The following NRG3 variants were observed in gnomAD, a reference collection of about 807,000 sequenced individuals.
NRG3 encodes pro-neuregulin-3, membrane-bound isoform.
Under a neutral mutation model 66.9 loss-of-function variants are expected in NRG3, and 31 were observed. The ratio of observed to expected loss-of-function variants is 0.46; its 90% CI spans 0.35 to 0.63. NRG3 has a LOEUF of 0.63. Ranked by LOEUF, NRG3 falls within the 20% of genes least tolerant of loss-of-function variation. The pLI is 0.00. For synonymous variants in NRG3, 393 were observed against 359.4 expected, an observed-to-expected ratio of 1.09 and a Z score of -1.06; for missense variants, 910 against 878.9, an observed-to-expected ratio of 1.04 and a Z score of -0.45.
At chr10:81,986,422 T>G (rs1441719100) in intron 1 of NRG3, among the ~76,000 whole-genome samples, 2 of 152,150 alleles carry the variant, frequency 1.3e-5, no homozygotes, top group African/African-American at 2.4e-5. Flanking sequence ...GGAGCAACAC[T>G]GTCAATTTCA....
chr10:82,721,291 C>T (rs962724829), intron 2 of NRG3, among the ~76,000 whole-genome samples: 1 of 150,896 alleles, frequency 6.6e-6, no homozygotes, highest in Non-Finnish European at 1.5e-5. Flanking sequence ...TCCACCATGC[C>T]CGGCTAATTT....
At chr10:82,687,683 G>T (rs1227102410) in intron 2 of NRG3, among the ~76,000 whole-genome samples, 3 of 152,058 alleles carry the variant, frequency 2.0e-5, no homozygotes, top group Non-Finnish European at 4.4e-5. Flanking sequence ...GATGTGTTCG[G>T]TGTAGAGAGG....
At chr10:82,469,687 G>A (rs1165270095) in intron 2 of NRG3, among the ~76,000 whole-genome samples, 1 of 152,170 alleles carries the variant, frequency 6.6e-6, no homozygotes, top group Admixed American at 6.5e-5. Flanking sequence ...CTGGGTACCT[G>A]GCCTTGCCGA....
At chr10:81,903,565 A>G (rs183814869) in intron 1 of NRG3, among the ~76,000 whole-genome samples, 1 of 152,308 alleles carries the variant, frequency 6.6e-6, no homozygotes, top group Non-Finnish European at 1.5e-5. Flanking sequence ...AATAGTGCTT[A>G]ATATTGGTTG....
chr10:82,021,822 G>C (rs1415367558), intron 1 of NRG3, among the ~76,000 whole-genome samples: 2 of 110,382 alleles, frequency 1.8e-5, no homozygotes, highest in Non-Finnish European at 4.1e-5. Context: ...GTGTGTGTGT[G>C]TGTGTGTGTG....
intron 1 of NRG3, among the ~76,000 whole-genome samples, chr10:82,185,465 A>G (rs769161296): frequency 2.0e-5 from 3 of 152,152 alleles, no homozygotes; most frequent in Non-Finnish European, 4.4e-5. Context: ...TGTCTATTTA[A>G]TCTCCCCAGA....
Position 81,875,788 on chromosome 10 carries a change from A to C in NRG3, c.448A>C (p.Thr150Pro), listed in dbSNP as rs202166305. 1.9e-4 allele frequency: 311 copies of C among 1,610,474 alleles called. 1 individual carries two copies. Among genetic ancestry groups the C allele is most frequent in the Non-Finnish European group, 2.1e-5 (25 of 1,179,824 alleles). ...CGCCGGGGGTGCCGCCTCCTCCAGG[A>C]CGCCCAACCGGATTAGCACTCGCCT... is the stretch of plus-strand genomic sequence containing the variant. ...PSAGGAASSR[T>P]PNRISTRLTT... Residue 150 changes from threonine (T) to proline (P), a missense_variant, in exon 1 of 9, where the codon ACG becomes CCG. By Grantham distance (38) the Thr-to-Pro change is conservative (BLOSUM62 -1). Coordinates refer to ENST00000372141, the MANE Select transcript of NRG3 (RefSeq NM_001010848.4). This position sits in a 1 kb window ranked among gnomAD's most constrained non-coding sequence, Gnocchi z 5.3.
At chr10:81,921,975 TATA>T (rs1434859237) in intron 1 of NRG3, among the ~76,000 whole-genome samples, 1 of 152,132 alleles carries the variant, frequency 6.6e-6, no homozygotes, top group Non-Finnish European at 1.5e-5. Context: ...GTTCCCTTCA[TATA>T]ATAAGGTCTT....
intron 4 of NRG3, among the ~76,000 whole-genome samples, chr10:82,936,573 G>A (rs925703150): frequency 2.0e-5 from 3 of 152,080 alleles, no homozygotes; most frequent in South Asian, 2.1e-4. Flanking sequence ...ATGATATTTT[G>A]TATTGTTGAA....
At chr10:82,733,548 G>A (rs2058021258) in intron 2 of NRG3, among the ~76,000 whole-genome samples, 1 of 152,168 alleles carries the variant, frequency 6.6e-6, no homozygotes, top group Admixed American at 6.5e-5. Context: ...GGCTATCTAT[G>A]TAGATAATCA....
intron 2 of NRG3, among the ~76,000 whole-genome samples, chr10:82,556,087 A>AT (rs1284801205): frequency 1.3e-5 from 2 of 152,108 alleles, no homozygotes; most frequent in Non-Finnish European, 2.9e-5. Context: ...CATTTGACAC[A>AT]TTTGATGATG....
At chr10:82,440,219 C>T (rs529069160) in intron 2 of NRG3, among the ~76,000 whole-genome samples, 1 of 151,666 alleles carries the variant, frequency 6.6e-6, no homozygotes, top group Non-Finnish European at 1.5e-5. Context: ...GTATTATTTT[C>T]ATTACCAAAT....
intron 1 of NRG3, among the ~76,000 whole-genome samples, chr10:82,343,583 A>G (rs1221777379): frequency 1.3e-5 from 2 of 152,180 alleles, no homozygotes; most frequent in African/African-American, 4.8e-5. Context: ...TTTAATAGCC[A>G]AAGCAATCCT....
chr10:82,221,632 T>C (rs1331812652), intron 1 of NRG3, among the ~76,000 whole-genome samples: 1 of 152,132 alleles, frequency 6.6e-6, no homozygotes, highest in Non-Finnish European at 1.5e-5. Context: ...AGTTAAGCAG[T>C]CTGTATTAAA....
chr10:81,886,094 C>T (rs939786152), intron 1 of NRG3, among the ~76,000 whole-genome samples: 7 of 152,086 alleles, frequency 4.6e-5, no homozygotes, highest in Non-Finnish European at 8.8e-5. Context: ...TTGATAGGTG[C>T]AGCAAACCAC....
intron 1 of NRG3, among the ~76,000 whole-genome samples, chr10:82,350,757 C>T (rs891315528): frequency 6.6e-6 from 1 of 152,068 alleles, no homozygotes; most frequent in East Asian, 1.9e-4. Context: ...TCCCAGGGAG[C>T]CTTCTCTGAT....
chr10:82,340,558 T>G (rs1023385844), intron 1 of NRG3, among the ~76,000 whole-genome samples: 2 of 152,338 alleles, frequency 1.3e-5, no homozygotes, highest in Middle Eastern at 3.4e-3. Context: ...GTAATTAAAG[T>G]GAGTGATATT....
chr10:82,946,394 C>T (rs1849024938), intron 4 of NRG3, among the ~76,000 whole-genome samples: 2 of 151,878 alleles, frequency 1.3e-5, no homozygotes, highest in South Asian at 4.1e-4. Flanking sequence ...CAAAAATTAG[C>T]TGGGCATGGT....
At chr10:82,235,970 ACACACACATAGACACG>A (rs1454532280) in intron 1 of NRG3, among the ~76,000 whole-genome samples, 1 of 152,006 alleles carries the variant, frequency 6.6e-6, no homozygotes, top group Non-Finnish European at 1.5e-5. Flanking sequence ...TCCCTGCCAC[ACACACACATAGACACG>A]CACACACACA....
Sources: gnomAD v4.1 joint callset for allele counts (sites outside exome capture counted in the v4.1 genomes callset) on GRCh38, gnomAD v4.1.1 for gene constraint, Gnocchi (gnomAD v3.1) non-coding constraint, MANE v1.5 for transcripts, NCBI Gene and HGNC (gene_info 2026-07-23, HGNC 2026-07-21) for gene names.